Variants in LGSN observed in about 807,000 individuals in gnomAD.
The protein encoded by LGSN is lengsin.
A neutral mutation model predicts 19.5 loss-of-function variants in LGSN; 21 were observed. That is an observed-to-expected ratio of 1.07 (90% CI 0.76 to 1.55). The LOEUF (loss-of-function observed/expected upper bound fraction) is 1.55, where lower values mean the gene tolerates loss of function less well. Among genes scored for constraint, LGSN ranks in the 40% most tolerant of loss-of-function variants. The probability of loss-of-function intolerance (pLI) is 0.00; values close to 1 mark genes in which losing one functional copy is unlikely to be tolerated. For synonymous variants in LGSN, 257 were observed against 215.6 expected (o/e 1.19, Z -1.68); for missense variants, 673 against 608.5 (o/e 1.11, Z -1.12).
At position 63,319,979 on chromosome 6, in the gene LGSN, A is replaced by G. The variant is rs1468503506; in HGVS notation, c.-36T>C. 1 of 1,540,382 alleles carries G rather than the reference A, an allele frequency of 6.5e-7. No homozygotes were observed. Among genetic ancestry groups the G allele is most frequent in the African/African-American group, 1.4e-5 (1 of 73,584 alleles). On this transcript the variant is annotated 5_prime_UTR_variant, in exon 1 of 4. Transcript: ENST00000370657. Reference sequence around the variant, plus strand: ...TTTAAGTTCAGCGTTAGAAACCACAATATCCTCAACAAATGCATTCAACAT... The same window carrying G: ...TTTAAGTTCAGCGTTAGAAACCACAGTATCCTCAACAAATGCATTCAACAT...
the LGSN span, among the ~76,000 whole-genome samples, chr6:63,466,170 A>G: frequency 2.0e-5 from 3 of 152,172 alleles, no homozygotes; most frequent in African/African-American, 7.2e-5. Context: ...AAAGCACTGG[A>G]ATTACAGGCA....
chr6:63,511,773 A>G, the LGSN span, among the ~76,000 whole-genome samples: 1 of 152,286 alleles, frequency 6.6e-6, no homozygotes, highest in East Asian at 1.9e-4. Flanking sequence ...AATTTTTCTT[A>G]TGCTTCTTAC....
chr6:63,301,238 C>G (rs977053882), intron 1 of LGSN, among the ~76,000 whole-genome samples: 10 of 152,006 alleles, frequency 6.6e-5, no homozygotes, highest in Middle Eastern at 3.2e-3. Flanking sequence ...TTGCAGTGAG[C>G]CAAGATTGCG....
At chr6:63,488,114 C>A in the LGSN span, among the ~76,000 whole-genome samples, 1 of 152,018 alleles carries the variant, frequency 6.6e-6, no homozygotes, top group Non-Finnish European at 1.5e-5. Context: ...TAATATCCAG[C>A]TGCTTTTCTG....
the LGSN span, among the ~76,000 whole-genome samples, chr6:63,419,467 A>G: frequency 6.6e-6 from 1 of 152,176 alleles, no homozygotes; most frequent in Non-Finnish European, 1.5e-5. Flanking sequence ...ATTAGAGCCA[A>G]GGGTTCAATC....
chr6:63,290,537 A>T lies in LGSN; in HGVS notation c.163+4376T>A, dbSNP rs371804771. ...CACTATTAGAAAATTTTATGTAAAAATCTTGAGTTCAAATTTATTTTGAAA... is the reference window on the plus strand; with the variant it reads ...CACTATTAGAAAATTTTATGTAAAATTCTTGAGTTCAAATTTATTTTGAAA... On this transcript the variant is annotated intron_variant, in intron 2 of 3. Transcript: ENST00000370657. Among the ~76,000 whole-genome samples the T allele has an allele frequency of 4.9e-4, 75 of 152,324 alleles. 1 individual carries two copies. Among genetic ancestry groups the T allele is most frequent in the African/African-American group, 1.8e-3 (74 of 41,576 alleles).
the LGSN span, among the ~76,000 whole-genome samples, chr6:63,500,455 C>T: frequency 6.6e-6 from 1 of 151,890 alleles, no homozygotes; most frequent in Non-Finnish European, 1.5e-5. Flanking sequence ...GAGTTTCACT[C>T]TTGTTGCCCA....
At chr6:63,292,969 A>C (rs180680728) in intron 2 of LGSN, among the ~76,000 whole-genome samples, 17 of 152,154 alleles carry the variant, frequency 1.1e-4, no homozygotes, top group Admixed American at 7.2e-4. Context: ...ATCTTTCCAA[A>C]TCTTGTATGT....
At chr6:63,346,711 C>T in the LGSN span, among the ~76,000 whole-genome samples, 1 of 151,974 alleles carries the variant, frequency 6.6e-6, no homozygotes, top group African/African-American at 2.4e-5. Context: ...GAGACTGAGC[C>T]CTTAACCTAT....
the LGSN span, among the ~76,000 whole-genome samples, chr6:63,445,418 G>A: frequency 3.3e-5 from 5 of 152,066 alleles, no homozygotes; most frequent in Admixed American, 2.0e-4. Context: ...AGGAGCTCGC[G>A]ACCAGCCTGG....
chr6:63,415,514 C>T, the LGSN span, among the ~76,000 whole-genome samples: 1 of 152,026 alleles, frequency 6.6e-6, no homozygotes, highest in East Asian at 1.9e-4. Context: ...GGAAAGAGCC[C>T]CTGACAAAAC....
the LGSN span, among the ~76,000 whole-genome samples, chr6:63,446,443 A>G: frequency 2.0e-5 from 3 of 152,024 alleles, no homozygotes; most frequent in South Asian, 2.1e-4. Context: ...CACACCCGAT[A>G]TCATTTATTA....
chr6:63,325,960 C>T, the LGSN span, among the ~76,000 whole-genome samples: 1 of 152,126 alleles, frequency 6.6e-6, no homozygotes, highest in African/African-American at 2.4e-5. Flanking sequence ...TGGCCCCACC[C>T]ACATCCCGCT....
intron 1 of LGSN, among the ~76,000 whole-genome samples, chr6:63,312,474 C>T (rs1225686723): frequency 2.0e-5 from 3 of 152,124 alleles, no homozygotes; most frequent in African/African-American, 7.2e-5. Context: ...TATATAGTAT[C>T]CCTTTGGAGA....
At chr6:63,326,369 G>A in the LGSN span, among the ~76,000 whole-genome samples, 8 of 152,342 alleles carry the variant, frequency 5.3e-5, no homozygotes, top group East Asian at 1.4e-3. Context: ...ACCAGACTCA[G>A]AAGCCCAGCT....
chr6:63,560,829 T>C, the LGSN span, among the ~76,000 whole-genome samples: 2 of 152,184 alleles, frequency 1.3e-5, no homozygotes, highest in South Asian at 2.1e-4. Context: ...TAACAGTTCA[T>C]AGATTGGCAC....
chr6:63,498,129 G>C, the LGSN span, among the ~76,000 whole-genome samples: 1 of 151,788 alleles, frequency 6.6e-6, no homozygotes, highest in Non-Finnish European at 1.5e-5. Flanking sequence ...TGCTGGCCAG[G>C]CTGGTCTCGA....
At chr6:63,537,629 C>G in the LGSN span, among the ~76,000 whole-genome samples, 1 of 152,210 alleles carries the variant, frequency 6.6e-6, no homozygotes, top group African/African-American at 2.4e-5. Context: ...CTTCTTTTTA[C>G]AATGAAAGTT....
intron 1 of LGSN, among the ~76,000 whole-genome samples, chr6:63,304,257 G>A (rs1186007025): frequency 1.4e-4 from 22 of 152,152 alleles, no homozygotes; most frequent in Admixed American, 1.2e-3. Context: ...ATTGCCAAGA[G>A]GCCTTCACCT....
Sources: allele counts gnomAD v4.1 joint callset (sites outside exome capture counted in the v4.1 genomes callset), GRCh38; gene constraint gnomAD v4.1.1; transcripts MANE v1.5; gene names NCBI Gene and HGNC (gene_info 2026-07-23, HGNC 2026-07-21).